Variants in LAP3 observed in about 807,000 individuals in gnomAD.
The protein encoded by LAP3 is cytosol aminopeptidase.
LAP3 carries 46 observed loss-of-function variants against 58.8 expected under a neutral mutation model. The observed-to-expected ratio is 0.78, with a 90% CI of 0.62 to 1.00. The LOEUF is 1.00. Ranked by LOEUF, LAP3 falls within the 50% of genes least tolerant of loss-of-function variation. The pLI, the probability that LAP3 is intolerant of heterozygous loss-of-function variation, is 0.00. For synonymous variants in LAP3, 257 were observed against 237.7 expected, an observed-to-expected ratio of 1.08 and a Z score of -0.75; for missense variants, 615 against 659.1, an observed-to-expected ratio of 0.93 and a Z score of 0.73.
At chr4:17,589,058 GTTTGA>G in intron 7 of LAP3, 81 bp downstream of exon 7, 1 of 1,411,322 alleles carries the variant, frequency 7.1e-7, no homozygotes, top group Non-Finnish European at 9.5e-7. Flanking sequence ...GGGTTTTTTG[GTTTGA>G]TTTTTTTTTT....
At chr4:17,606,336 T>TTTTA (rs908937397) in intron 11 of LAP3, among the ~76,000 whole-genome samples, 2 of 152,102 alleles carry the variant, frequency 1.3e-5, no homozygotes, top group African/African-American at 4.8e-5. Flanking sequence ...TCTTTTTATT[T>TTTTA]TTTATTTATT....
In LAP3 at chr4:17,598,527, G is replaced by A. The variant is rs147122901; in HGVS notation, c.1149G>A (p.Pro383=). ...TCTGTTACGCACACACGTTTAACCC[G>A]AAGGTCATCCTCAATGCCGCCACCT... The part of the protein sequence containing the change: ...DALCYAHTFN[P]KVILNAATLT... The change falls in exon 10 of 13, where the codon CCG becomes CCA. Residue 383 remains proline, a synonymous_variant. Transcript: ENST00000226299. The A allele has an allele frequency of 1.7e-5, 28 of 1,614,072 alleles. No individual in the cohort carries two copies. In the African/African-American group the frequency reaches 2.3e-4, roughly 13 times the overall value.
chr4:17,597,247 G>GGT (rs1451147009), intron 9 of LAP3, 113 bp downstream of exon 9: 19 of 871,350 alleles, frequency 2.2e-5, no homozygotes, highest in Non-Finnish European at 3.7e-5. Context: ...ATTAGGGGAG[G>GGT]GTGCTGTCTT....
At chr4:17,601,942 G>A (rs1307313432) in intron 10 of LAP3, among the ~76,000 whole-genome samples, 1 of 152,170 alleles carries the variant, frequency 6.6e-6, no homozygotes, top group African/African-American at 2.4e-5. Flanking sequence ...CACGGATACG[G>A]AGGGCTGACT....
chr4:17,596,330 GGTTTTTTT>G (rs1443237495), intron 8 of LAP3, among the ~76,000 whole-genome samples: 1 of 151,902 alleles, frequency 6.6e-6, no homozygotes, highest in African/African-American at 2.4e-5. Flanking sequence ...TTTATATTTA[GGTTTTTTT>G]GGTTTTTTGG....
At chr4:17,577,846 C>A (rs1187446805) in intron 1 of LAP3, among the ~76,000 whole-genome samples, 2 of 152,196 alleles carry the variant, frequency 1.3e-5, no homozygotes, top group African/African-American at 4.8e-5. Flanking sequence ...CCAGTCGTCA[C>A]CCGCGGTCCT....
At chr4:17,603,826 CTTTCTTTCT>C (rs146158650) in intron 10 of LAP3, among the ~76,000 whole-genome samples, 83,097 of 138,030 alleles carry the variant, frequency 0.6, 24,699 homozygotes, top group East Asian at 0.87. Context: ...TTTTTTTTTT[CTTTCTTTCT>C]TTTTTTTTTG....
Position 17,595,389 on chromosome 4 carries a change from A to C in LAP3, c.864-21A>C, listed in dbSNP as rs371773597. ...CCATCTTCTTTGCTCTTAATATTGC[A>C]CGTTGTCCATTTCCCCATAGTGGTG... On this transcript the variant is annotated intron_variant, in intron 7 of 12. Coordinates refer to ENST00000226299, the MANE Select transcript of LAP3 (RefSeq NM_015907.3). 14 of 1,612,158 alleles carry C rather than the reference A, an allele frequency of 8.7e-6. No homozygotes were observed. The African/African-American group carries it at 1.6e-4, about 18-fold the overall frequency.
At position 17,577,532 on chromosome 4, in the gene LAP3, G is replaced by C. The variant is rs148471769; in HGVS notation, c.67G>C (p.Gly23Arg). The change falls in exon 1 of 13, where the codon GGG becomes CGG. Residue 23 changes from glycine (G) to arginine (R), a missense_variant. Transcript: ENST00000226299. ...VVRRLAVRRF[G>R]SRSLSTADMT... ...CCGACGTCTGGCCGTGAGACGTTTC[G>C]GGAGCCGGAGTCTCTCCACCGCAGA... is the stretch of plus-strand genomic sequence containing the variant. The C allele has an allele frequency of 5.3e-3, 8,375 of 1,576,766 alleles. 37 individuals are homozygous for C. Among genetic ancestry groups the C allele is most frequent in the Non-Finnish European group, 6.2e-3 (7,180 of 1,162,870 alleles).
At chr4:17,597,780 C>A (rs1485844956) in intron 9 of LAP3, among the ~76,000 whole-genome samples, 2 of 152,118 alleles carry the variant, frequency 1.3e-5, no homozygotes, top group African/African-American at 4.8e-5. Flanking sequence ...TGACTTTTTT[C>A]CATTGTAGGT....
At chr4:17,583,319 C>G in intron 4 of LAP3, 164 bp from the exon 5 acceptor site, 1 of 750,506 alleles carries the variant, frequency 1.3e-6, no homozygotes, top group Non-Finnish European at 2.2e-6. Context: ...GCACTCACGT[C>G]TTCATTTTAC....
rs1237229990 is a variant in LAP3, at chr4:17,603,778, T to C, written c.1181-810T>C. On this transcript the variant is annotated intron_variant, in intron 10 of 12. Transcript: ENST00000226299. The stretch of plus-strand genomic sequence containing the variant: ...ATCCACCCGCCTCAGCCTCCCAAAG[T>C]GCTGGGATTACAGGCGTGAGGCATT... 2.0e-5 allele frequency among the ~76,000 whole-genome samples: 3 copies of C among 150,758 alleles called. No individual in the cohort carries two copies. The East Asian group carries it at 5.9e-4, about 30-fold the overall frequency.
intron 7 of LAP3, among the ~76,000 whole-genome samples, chr4:17,590,366 G>T (rs573039365): frequency 1.5e-4 from 23 of 152,240 alleles, no homozygotes; most frequent in African/African-American, 3.9e-4. Context: ...CTTGCTGTCA[G>T]TGTGGTCTCC....
chr4:17,578,188 G>C (rs542039713), intron 1 of LAP3, among the ~76,000 whole-genome samples: 4 of 152,336 alleles, frequency 2.6e-5, no homozygotes, highest in Admixed American at 2.6e-4. Context: ...ACAAGCTTGG[G>C]AGTCATGCCT....
At chr4:17,586,289 G>A (rs1713512167) in intron 6 of LAP3, 1 of 152,026 alleles carries the variant, frequency 6.6e-6, no homozygotes, top group African/African-American at 2.4e-5. Context: ...TTTCCCAAGG[G>A]TACTTCCATT....
At chr4:17,582,837 C>T (rs1229742573) in intron 4 of LAP3, 1 of 164,920 alleles carries the variant, frequency 6.1e-6, no homozygotes. Context: ...ATGTCCCAGG[C>T]AGGGGCCATT....
Position 17,577,492 on chromosome 4 carries a change from G to C in LAP3, c.27G>C (p.Ala9=). The C allele has an allele frequency of 1.3e-6, 2 of 1,583,172 alleles. No individual in the cohort carries two copies. Among genetic ancestry groups the C allele is most frequent in the African/African-American group, 1.4e-5 (1 of 73,956 alleles). The stretch of plus-strand genomic sequence containing the variant: ...TGTTCTTGCTGCCTCTTCCGGCTGC[G>C]GGGCGAGTAGTCGTCCGACGTCTGG... MFLLPLPA[A]GRVVVRRLAV... The change falls in exon 1 of 13, where the codon GCG becomes GCC. Residue 9 remains alanine, a synonymous_variant. Transcript: ENST00000226299.
rs1239379344 is a variant in LAP3 at position 17,598,477 on chromosome 4, G to A, written c.1099G>A (p.Gly367Arg). The change falls in exon 10 of 13, where the codon GGG becomes AGG. Residue 367 changes from glycine (G) to arginine (R), a missense_variant. Gly to Arg is a moderately radical substitution (Grantham distance 125). Transcript: ENST00000226299. ...GCAGGTTGATAACACTGATGCTGAG[G>A]GGAGGCTCATACTGGCTGATGCGCT... ...TIQVDNTDAE[G>R]RLILADALCY... 1 of 1,613,976 alleles carries A rather than the reference G, an allele frequency of 6.2e-7. No individual in the cohort carries two copies. Among genetic ancestry groups the A allele is most frequent in the Non-Finnish European group, 8.5e-7 (1 of 1,179,886 alleles).
At chr4:17,589,068 T>C in intron 7 of LAP3, 91 bp downstream of exon 7, 4 of 1,417,566 alleles carry the variant, frequency 2.8e-6, no homozygotes, top group Non-Finnish European at 3.8e-6. Flanking sequence ...GTTTGATTTT[T>C]TTTTTTTTTT....
Sources: allele counts gnomAD v4.1 joint callset (sites outside exome capture counted in the v4.1 genomes callset), GRCh38; gene constraint gnomAD v4.1.1; transcripts MANE v1.5; gene names NCBI Gene and HGNC (gene_info 2026-07-23, HGNC 2026-07-21).